CNTNAP2: variants seen among roughly 807,000 people sequenced by gnomAD.
The protein encoded by CNTNAP2 is contactin-associated protein-like 2.
CNTNAP2 carries 98 observed loss-of-function variants against 155.2 expected under a neutral mutation model. That is an observed-to-expected ratio of 0.63 (90% CI 0.54 to 0.75). CNTNAP2 has a LOEUF of 0.75. Ranked by LOEUF, CNTNAP2 falls within the 30% of genes least tolerant of loss-of-function variation. The pLI is 0.00. For synonymous variants in CNTNAP2, 651 were observed against 631.2 expected (o/e 1.03, Z -0.47); for missense variants, 1,727 against 1,688.1 (o/e 1.02, Z -0.40).
chr7:147,310,536 AG>A (rs1795104476), intron 9 of CNTNAP2, among the ~76,000 whole-genome samples: 1 of 152,216 alleles, frequency 6.6e-6, no homozygotes. Context: ...GCTCTTAAGT[AG>A]AGAAACTACT....
intron 12 of CNTNAP2, among the ~76,000 whole-genome samples, chr7:147,633,550 A>C (rs28820368): frequency 0.09 from 13,658 of 152,064 alleles, 1,699 homozygotes; most frequent in African/African-American, 0.26. Flanking sequence ...GGGCCAGGAG[A>C]AGAATGGTAT....
At chr7:146,839,537 A>C (rs915571292) in intron 2 of CNTNAP2, among the ~76,000 whole-genome samples, 174 bp from the exon 3 acceptor site, 1 of 152,238 alleles carries the variant, frequency 6.6e-6, no homozygotes, top group African/African-American at 2.4e-5. Flanking sequence ...CAATGTTACC[A>C]GCTGGAAGAA....
chr7:146,375,372 A>C (rs1206112196), intron 1 of CNTNAP2, among the ~76,000 whole-genome samples: 1 of 152,186 alleles, frequency 6.6e-6, no homozygotes, highest in Non-Finnish European at 1.5e-5. Context: ...TCACCCAAAC[A>C]ATCACAGATA....
intron 13 of CNTNAP2, among the ~76,000 whole-genome samples, chr7:147,814,011 G>A (rs780953147): frequency 1.1e-4 from 16 of 151,900 alleles, no homozygotes; most frequent in South Asian, 4.2e-4. Flanking sequence ...TTTACTGTTC[G>A]GCACTTTTTA....
At position 146,578,589 on chromosome 7, in the gene CNTNAP2, A is replaced by G. The variant is rs139850480; in HGVS notation, c.98-195682A>G. ...AGAGTACTTAAAATTTATTTCTACT[A>G]TATTTTCTTGAATAATTACTATAAG... On this transcript the variant is annotated intron_variant, in intron 1 of 23. Transcript: ENST00000361727. Among the ~76,000 whole-genome samples, 775 of 152,262 alleles carry G rather than the reference A, an allele frequency of 5.1e-3. 7 individuals carry two copies. The highest frequency in any genetic ancestry group is 8.0e-3 in the Non-Finnish European group (545 of 67,982).
chr7:146,452,054 A>G (rs1470180237), intron 1 of CNTNAP2, among the ~76,000 whole-genome samples: 1 of 151,484 alleles, frequency 6.6e-6, no homozygotes, highest in Non-Finnish European at 1.5e-5. Flanking sequence ...GACTACAGGC[A>G]CGTGCCACCA....
intron 22 of CNTNAP2, among the ~76,000 whole-genome samples, chr7:148,406,048 C>T (rs372877620): frequency 5.9e-5 from 9 of 151,826 alleles, no homozygotes; most frequent in East Asian, 2.0e-4. Flanking sequence ...TTGGATAACA[C>T]GGTGAAACCC....
chr7:146,548,796 A>AG (rs200324362), intron 1 of CNTNAP2, among the ~76,000 whole-genome samples: 3 of 79,030 alleles, frequency 3.8e-5, no homozygotes, highest in Non-Finnish European at 7.8e-5. Context: ...CCCATTCTCT[A>AG]GGTTTTTTTT....
Position 147,347,477 on chromosome 7 carries a change from CAT to C in CNTNAP2, c.1498+47200_1498+47201del, listed in dbSNP as rs376714937. Among the ~76,000 whole-genome samples the C allele has an allele frequency of 8.1e-3, 245 of 30,132 alleles. 3 individuals carry two copies. Among genetic ancestry groups the C allele is most frequent in the African/African-American group, 0.016 (204 of 12,458 alleles). 19.8% of individuals were successfully genotyped at this position (30,132 alleles called of 152,430 possible). A position where few individuals can be genotyped will look rare whatever the true frequency, so the allele number is the denominator to read the frequency against. ...ATATGCATATATATATATATATATG[CAT>C]ATATATATATATGCATATATATGTG... On this transcript the variant is annotated intron_variant, in intron 9 of 23. Transcript: ENST00000361727.
At chr7:148,192,442 T>C (rs1795213331) in intron 18 of CNTNAP2, among the ~76,000 whole-genome samples, 1 of 151,542 alleles carries the variant, frequency 6.6e-6, no homozygotes. Context: ...TTAAAATGAT[T>C]ACAGAAAAAC....
intron 1 of CNTNAP2, among the ~76,000 whole-genome samples, chr7:146,538,666 A>G (rs773309551): frequency 5.9e-5 from 9 of 152,068 alleles, no homozygotes; most frequent in Non-Finnish European, 8.8e-5. Context: ...TGGCAAGCAC[A>G]ACACAATCTT....
At chr7:146,418,326 C>G (rs1795965627) in intron 1 of CNTNAP2, among the ~76,000 whole-genome samples, 1 of 152,122 alleles carries the variant, frequency 6.6e-6, no homozygotes, top group South Asian at 2.1e-4. Flanking sequence ...CTTGACCTCC[C>G]TTAAATAACC....
chr7:146,466,360 G>A (rs1252831448), intron 1 of CNTNAP2, among the ~76,000 whole-genome samples: 3 of 152,120 alleles, frequency 2.0e-5, no homozygotes, highest in African/African-American at 2.4e-5. Flanking sequence ...GTGCTGTTTC[G>A]TAGAACTTCA....
chr7:148,176,821 G>A (rs967437920), intron 18 of CNTNAP2, among the ~76,000 whole-genome samples: 2 of 152,170 alleles, frequency 1.3e-5, no homozygotes, highest in African/African-American at 4.8e-5. Flanking sequence ...CTGAGGCTGA[G>A]GGGAGAATCA....
intron 1 of CNTNAP2, among the ~76,000 whole-genome samples, chr7:146,552,512 C>A (rs1258926512): frequency 6.6e-6 from 1 of 152,132 alleles, no homozygotes; most frequent in Non-Finnish European, 1.5e-5. Flanking sequence ...TACGGCACAC[C>A]TTTAAATTCC....
chr7:146,283,819 G>A (rs1800287363), intron 1 of CNTNAP2, among the ~76,000 whole-genome samples: 1 of 152,094 alleles, frequency 6.6e-6, no homozygotes, highest in Admixed American at 6.5e-5. Flanking sequence ...TTCCCAGGGA[G>A]AAGATGGGTT....
chr7:146,687,084 A>G (rs180976134), intron 1 of CNTNAP2, among the ~76,000 whole-genome samples: 22 of 152,294 alleles, frequency 1.4e-4, no homozygotes, highest in Non-Finnish European at 8.8e-5. Flanking sequence ...GTGTCATTGA[A>G]TCATAGTTCT....
intron 1 of CNTNAP2, among the ~76,000 whole-genome samples, chr7:146,292,610 A>G (rs1800449469): frequency 6.6e-6 from 1 of 152,200 alleles, no homozygotes; most frequent in Non-Finnish European, 1.5e-5. Context: ...CATATGATTG[A>G]GCAATCCCAT....
intron 9 of CNTNAP2, among the ~76,000 whole-genome samples, chr7:147,322,684 G>T (rs547925030): frequency 4.2e-5 from 6 of 143,592 alleles, no homozygotes; most frequent in Non-Finnish European, 9.0e-5. Context: ...GGTAGAATTC[G>T]GCTGTGAATC....
Sources: gnomAD v4.1 joint callset for allele counts (sites outside exome capture counted in the v4.1 genomes callset) on GRCh38, gnomAD v4.1.1 for gene constraint, MANE v1.5 for transcripts, NCBI Gene and HGNC (gene_info 2026-07-23, HGNC 2026-07-21) for gene names.